AFG2A: variants seen among roughly 807,000 people sequenced by gnomAD.
AFG2A encodes the protein ATPase family gene 2 protein homolog A.
At chr4:123,020,680 T>C in the AFG2A span, among the ~76,000 whole-genome samples, 1 of 152,178 alleles carries the variant, frequency 6.6e-6, no homozygotes, top group African/African-American at 2.4e-5. Flanking sequence ...TTTCAGAAAA[T>C]ATAAAATATC....
chr4:122,983,263 T>C, the AFG2A span, among the ~76,000 whole-genome samples: 1 of 152,214 alleles, frequency 6.6e-6, no homozygotes, highest in Non-Finnish European at 1.5e-5. Context: ...CTTTTTATAT[T>C]CTTACATTGA....
chr4:123,104,653 C>T, the AFG2A span, among the ~76,000 whole-genome samples: 2 of 152,172 alleles, frequency 1.3e-5, no homozygotes, highest in Non-Finnish European at 2.9e-5. Flanking sequence ...CTTCAGTGAA[C>T]ACATGAATGA....
the AFG2A span, among the ~76,000 whole-genome samples, chr4:123,082,767 A>T: frequency 6.6e-6 from 1 of 152,042 alleles, no homozygotes; most frequent in Non-Finnish European, 1.5e-5. Context: ...AAGAATTGAC[A>T]TCTTAACAGT....
At chr4:123,034,216 G>A in the AFG2A span, among the ~76,000 whole-genome samples, 1 of 152,142 alleles carries the variant, frequency 6.6e-6, no homozygotes, top group East Asian at 1.9e-4. Flanking sequence ...AGATTCCACA[G>A]GCTGACTACA....
chr4:123,043,414 ATCT>A, the AFG2A span, among the ~76,000 whole-genome samples: 7,994 of 152,072 alleles, frequency 0.053, 302 homozygotes, highest in South Asian at 0.17. Context: ...TGTTTTTGTC[ATCT>A]TCTTCCACTT....
chr4:123,131,723 C>T, the AFG2A span, among the ~76,000 whole-genome samples: 1 of 152,112 alleles, frequency 6.6e-6, no homozygotes, highest in Non-Finnish European at 1.5e-5. Context: ...ATCCATTCAT[C>T]TGTAGATGGA....
chr4:123,023,716 TA>T, the AFG2A span, among the ~76,000 whole-genome samples: 2 of 151,990 alleles, frequency 1.3e-5, no homozygotes, highest in Non-Finnish European at 2.9e-5. Flanking sequence ...GGGCCACACA[TA>T]AAATATACTA....
At chr4:123,070,163 C>T in the AFG2A span, among the ~76,000 whole-genome samples, 1 of 152,200 alleles carries the variant, frequency 6.6e-6, no homozygotes, top group Admixed American at 6.5e-5. Context: ...ATGTATCACA[C>T]ACCCGTTAGT....
the AFG2A span, among the ~76,000 whole-genome samples, chr4:123,095,819 CT>C: frequency 3.9e-5 from 6 of 152,044 alleles, no homozygotes; most frequent in Admixed American, 3.3e-4. Context: ...ATTTTACAAT[CT>C]TGTTGCCTCT....
At chr4:123,277,332 A>G in the AFG2A span, among the ~76,000 whole-genome samples, 1 of 152,120 alleles carries the variant, frequency 6.6e-6, no homozygotes, top group East Asian at 1.9e-4. Flanking sequence ...TTGATTTTGT[A>G]TCCTGAAACT....
the AFG2A span, among the ~76,000 whole-genome samples, chr4:123,062,267 C>A: frequency 2.6e-5 from 4 of 152,128 alleles, no homozygotes; most frequent in Non-Finnish European, 5.9e-5. Flanking sequence ...TAGTCAATTT[C>A]ATTGTTATGT....
the AFG2A span, among the ~76,000 whole-genome samples, chr4:123,066,739 A>G: frequency 6.6e-6 from 1 of 152,204 alleles, no homozygotes; most frequent in Non-Finnish European, 1.5e-5. Flanking sequence ...TCTGGTAAAC[A>G]GTTTTTTCCA....
chr4:123,057,198 C>G, the AFG2A span: 1 of 1,613,680 alleles, frequency 6.2e-7, no homozygotes, highest in Non-Finnish European at 8.5e-7. Context: ...ATGTGGCACT[C>G]TTTCCACCAG....
chr4:122,971,286 A>T, the AFG2A span, among the ~76,000 whole-genome samples: 2 of 152,112 alleles, frequency 1.3e-5, no homozygotes, highest in African/African-American at 4.8e-5. Flanking sequence ...ATGCACCTGT[A>T]GTCCCAGCTA....
At chr4:123,164,955 T>C in the AFG2A span, among the ~76,000 whole-genome samples, 4 of 152,166 alleles carry the variant, frequency 2.6e-5, no homozygotes, top group Admixed American at 1.3e-4. Context: ...GAAGGCCTTT[T>C]TACAGTCTCT....
At chr4:123,054,446 T>A in the AFG2A span, among the ~76,000 whole-genome samples, 1 of 152,090 alleles carries the variant, frequency 6.6e-6, no homozygotes, top group Admixed American at 6.5e-5. Context: ...TAAGTCATTA[T>A]CGTGAACATC....
At chr4:123,107,350 T>C in the AFG2A span, among the ~76,000 whole-genome samples, 1 of 152,214 alleles carries the variant, frequency 6.6e-6, no homozygotes, top group African/African-American at 2.4e-5. Flanking sequence ...AGGACTTTAA[T>C]TGAACAACAG....
chr4:123,302,361 A>G, the AFG2A span, among the ~76,000 whole-genome samples: 1 of 152,178 alleles, frequency 6.6e-6, no homozygotes, highest in Admixed American at 6.5e-5. Context: ...TATAGCTTGG[A>G]TATCAGCCCC....
At chr4:123,078,597 G>A in the AFG2A span, among the ~76,000 whole-genome samples, 8 of 152,178 alleles carry the variant, frequency 5.3e-5, no homozygotes, top group African/African-American at 1.9e-4. Context: ...TAAGACCTAA[G>A]TCAGGTTATC....
Sources: gnomAD v4.1 joint callset for allele counts (sites outside exome capture counted in the v4.1 genomes callset) on GRCh38, gnomAD v4.1.1 for gene constraint, MANE v1.5 for transcripts, NCBI Gene and HGNC (gene_info 2026-07-23, HGNC 2026-07-21) for gene names.